The following ZNF180 variants were observed in gnomAD, a reference collection of about 807,000 sequenced individuals.
The protein encoded by ZNF180 is zinc finger protein 180 (HHZ168).
A neutral mutation model predicts 11.8 loss-of-function variants in ZNF180; 11 were observed. That is an observed-to-expected ratio of 0.93 (90% confidence interval 0.59 to 1.55). The LOEUF (loss-of-function observed/expected upper bound fraction) is 1.55. Among genes scored for constraint, ZNF180 ranks in the 40% most tolerant of loss-of-function variants. The probability of loss-of-function intolerance (pLI) is 0.00; values close to 1 mark genes in which losing one functional copy is unlikely to be tolerated. For missense variants in ZNF180, 773 were observed against 781.7 expected (o/e 0.99, Z 0.13); for synonymous variants, 287 against 257.7 (o/e 1.11, Z -1.09).
rs1969868996 is a variant in ZNF180, at chr19:44,476,373, AAAGG to A, written c.*25_*28del. 1 of 1,521,286 alleles carries A rather than the reference AAAGG, an allele frequency of 6.6e-7. No homozygotes were observed. 94.2% of individuals were successfully genotyped at this position (1,521,286 alleles called of 1,614,324 possible). On this transcript the variant is annotated 3_prime_UTR_variant, in exon 5 of 5. Transcript: ENST00000592529. ...TAAATTTTTTAAAAGAATGAAATAA[AAAGG>A]AAGAAATCCCAGCTGATTTACAAAC...
chr19:44,500,211 T>G (rs760420969), intron 1 of ZNF180, 64 bp downstream of exon 1: 1 of 1,614,028 alleles, frequency 6.2e-7, no homozygotes, highest in Non-Finnish European at 8.5e-7. Context: ...CGCTTCCAGC[T>G]TCCCGCGTAG....
At chr19:44,490,066 A>AC (rs2123484484) in intron 2 of ZNF180, among the ~76,000 whole-genome samples, 2 of 144,342 alleles carry the variant, frequency 1.4e-5, no homozygotes, top group Admixed American at 1.4e-4. Flanking sequence ...GAGGGAAAGG[A>AC]AGGGAAAGAA....
intron 2 of ZNF180, among the ~76,000 whole-genome samples, chr19:44,487,869 G>C (rs1219921216): frequency 6.6e-6 from 1 of 152,090 alleles, no homozygotes; most frequent in African/African-American, 2.4e-5. Context: ...TGGGACTACA[G>C]GCGCACATCA....
intron 3 of ZNF180, 46 bp downstream of exon 3, chr19:44,484,315 C>G: frequency 1.4e-6 from 2 of 1,479,096 alleles, no homozygotes; most frequent in Non-Finnish European, 1.9e-6. Context: ...CACTTCCCAG[C>G]CATGCACATT....
At chr19:44,489,195 GT>G in intron 2 of ZNF180, among the ~76,000 whole-genome samples, 1 of 58,054 alleles carries the variant, frequency 1.7e-5, no homozygotes, top group Non-Finnish European at 4.5e-5. Context: ...CGTCTGGGAG[GT>G]GAGGGGCGCC....
At chr19:44,489,774 A>G (rs1373513804) in intron 2 of ZNF180, among the ~76,000 whole-genome samples, 7 of 147,712 alleles carry the variant, frequency 4.7e-5, no homozygotes, top group Non-Finnish European at 7.4e-5. Flanking sequence ...AGAAAAATTT[A>G]GAAATGGGAA....
chr19:44,485,601 C>T (rs1458571539), intron 2 of ZNF180, among the ~76,000 whole-genome samples: 1 of 152,174 alleles, frequency 6.6e-6, no homozygotes, highest in Non-Finnish European at 1.5e-5. Context: ...CCAGCTCTGG[C>T]AGCCCACTGG....
chr19:44,490,140 A>AGC (rs1970410982), intron 2 of ZNF180, among the ~76,000 whole-genome samples: 2 of 110,328 alleles, frequency 1.8e-5, no homozygotes, highest in Non-Finnish European at 1.7e-5. Context: ...GGGAAGGGAA[A>AGC]GAAAGGGAAA....
At chr19:44,488,364 G>A (rs1042271070) in intron 2 of ZNF180, among the ~76,000 whole-genome samples, 56 of 152,008 alleles carry the variant, frequency 3.7e-4, no homozygotes, top group African/African-American at 1.2e-3. Context: ...CAACCTCCCT[G>A]CCTGATTCTC....
intron 1 of ZNF180, 152 bp downstream of exon 1, chr19:44,500,123 G>A: frequency 6.2e-7 from 1 of 1,603,870 alleles, no homozygotes; most frequent in Admixed American, 1.7e-5. Context: ...AGCTGTATCA[G>A]TAACTCCATC....
At position 44,480,768 on chromosome 19, in the gene ZNF180, C is replaced by T. The variant is rs569753686; in HGVS notation, c.127-1359G>A. On this transcript the variant is annotated intron_variant, in intron 3 of 4. Coordinates refer to ENST00000592529, the MANE Select transcript of ZNF180 (RefSeq NM_001278509.3). The stretch of plus-strand genomic sequence containing the variant: ...TATGAAACAGTTTTGACTGTTTTGA[C>T]TATGAGTGGTCGCATGAGGTCAAGT... 4.3e-4 allele frequency among the ~76,000 whole-genome samples: 65 copies of T among 152,210 alleles called. 1 individual carries two copies. The South Asian group carries it at 7.5e-3, about 17-fold the overall frequency.
At chr19:44,479,542 A>C in intron 3 of ZNF180, 133 bp from the exon 4 acceptor site, 1 of 1,250,446 alleles carries the variant, frequency 8.0e-7, no homozygotes, top group Non-Finnish European at 1.1e-6. Context: ...CAGTGCCCAA[A>C]AGATTCCAGT....
chr19:44,486,078 T>C (rs897312045), intron 2 of ZNF180, among the ~76,000 whole-genome samples: 1 of 152,326 alleles, frequency 6.6e-6, no homozygotes, highest in African/African-American at 2.4e-5. Flanking sequence ...GTTAAATAAA[T>C]TATGCTTTAT....
intron 2 of ZNF180, among the ~76,000 whole-genome samples, chr19:44,489,452 C>T (rs557556150): frequency 7.3e-6 from 1 of 137,030 alleles, no homozygotes; most frequent in South Asian, 2.8e-4. Flanking sequence ...CAACCCTGTG[C>T]TCTCTGAAAC....
At position 44,476,848 on chromosome 19, in the gene ZNF180, C is replaced by G. The variant is rs199948318; in HGVS notation, c.1552G>C (p.Gly518Arg). The change falls in exon 5 of 5, where the codon GGA (glycine) becomes CGA (arginine). Residue 518 changes from glycine to arginine, a missense_variant. Transcript: ENST00000592529. ...TCACTACATTCATACGGTTTCTCTCCAGTGTGAGTTCTTTGATGTGCAACA... is the reference window on the plus strand; with the variant it reads ...TCACTACATTCATACGGTTTCTCTCGAGTGTGAGTTCTTTGATGTGCAACA... ...QLVAHQRTHT[G>R]EKPYECSECG... is the part of the protein sequence containing the mutation. The G allele has an allele frequency of 2.5e-6, 4 of 1,614,166 alleles. No individual in the cohort carries two copies. In the East Asian group the frequency reaches 6.7e-5, roughly 27 times the overall value.
At chr19:44,488,244 A>C (rs1306993068) in intron 2 of ZNF180, among the ~76,000 whole-genome samples, 12 of 105,780 alleles carry the variant, frequency 1.1e-4, no homozygotes, top group Admixed American at 4.4e-4. Context: ...CTCTCTTTCC[A>C]CGGTCTCCCT....
chr19:44,476,859 C>A lies in ZNF180; in HGVS notation c.1541G>T (p.Arg514Ile). 1.9e-6 allele frequency: 3 copies of A among 1,614,178 alleles called. No individual in the cohort carries two copies. Among genetic ancestry groups the A allele is most frequent in the African/African-American group, 1.3e-5 (1 of 75,058 alleles). The change falls in exon 5 of 5, where the codon AGA becomes ATA. Residue 514 changes from arginine (R) to isoleucine (I), a missense_variant. Physicochemically the swap from Arg to Ile is moderately conservative, Grantham distance 97 (BLOSUM62 -3). Coordinates refer to ENST00000592529, the MANE Select transcript of ZNF180 (RefSeq NM_001278509.3). ...ATACGGTTTCTCTCCAGTGTGAGTT[C>A]TTTGATGTGCAACAAGCTGAGAGCT... Reference protein sequence around the residue: ...SWSSQLVAHQRTHTGEKPYEC... With the variant: ...SWSSQLVAHQITHTGEKPYEC...
At chr19:44,479,173 C>G in intron 4 of ZNF180, 110 bp downstream of exon 4, 1 of 1,347,466 alleles carries the variant, frequency 7.4e-7, no homozygotes, top group South Asian at 1.4e-5. Context: ...CAAACACAAT[C>G]TAGATGCAGC....
chr19:44,489,115 CTCCCGCCCGGCCAGCCG>C (rs1970344188), intron 2 of ZNF180, among the ~76,000 whole-genome samples: 3 of 117,338 alleles, frequency 2.6e-5, no homozygotes, highest in Non-Finnish European at 5.5e-5. Flanking sequence ...GGGGGCCAGC[CTCCCGCCCGGCCAGCCG>C]CCCCGTCCGG....
Sources: allele counts gnomAD v4.1 joint callset (sites outside exome capture counted in the v4.1 genomes callset), GRCh38; gene constraint gnomAD v4.1.1; transcripts MANE v1.5; gene names NCBI Gene and HGNC (gene_info 2026-07-23, HGNC 2026-07-21).